Variants in ARHGAP20 observed in about 807,000 individuals in gnomAD.
ARHGAP20 encodes the protein Rho GTPase activating protein 20, also known as rho GTPase-activating protein 20.
A neutral mutation model predicts 73.7 loss-of-function variants in ARHGAP20; 34 were observed. That is an observed-to-expected ratio of 0.46 (90% CI 0.35 to 0.61). The LOEUF (loss-of-function observed/expected upper bound fraction) is 0.61, where lower values mean the gene tolerates loss of function less well. ARHGAP20 is among the 20% of genes least tolerant of loss of function. The pLI is 0.00. For synonymous variants in ARHGAP20, 523 were observed against 518.2 expected, an observed-to-expected ratio of 1.01 and a Z score of -0.13; for missense variants, 1,314 against 1,420.9, an observed-to-expected ratio of 0.92 and a Z score of 1.21.
chr11:110,630,028 T>G (rs1190908821), intron 3 of ARHGAP20, among the ~76,000 whole-genome samples: 2 of 152,212 alleles, frequency 1.3e-5, no homozygotes, highest in African/African-American at 4.8e-5. Flanking sequence ...ACCTAACCCT[T>G]GTCTACTTCT....
intron 2 of ARHGAP20, among the ~76,000 whole-genome samples, chr11:110,669,072 A>G (rs993686994): frequency 6.6e-6 from 1 of 152,214 alleles, no homozygotes; most frequent in Admixed American, 6.5e-5. Flanking sequence ...AAAAAATTAA[A>G]TAGAACACAG....
At chr11:110,683,744 T>C (rs73561902) in intron 2 of ARHGAP20, among the ~76,000 whole-genome samples, 3,611 of 152,212 alleles carry the variant, frequency 0.024, 152 homozygotes, top group African/African-American at 0.083. Context: ...ATTTCACAGA[T>C]GAGGAAACTG....
At chr11:110,701,159 C>G (rs555699628) in intron 1 of ARHGAP20, among the ~76,000 whole-genome samples, 1 of 151,522 alleles carries the variant, frequency 6.6e-6, no homozygotes, top group Non-Finnish European at 1.5e-5. Flanking sequence ...CCTGAGGAAT[C>G]GCCACACTGA....
rs145945557 is a variant in ARHGAP20, at chr11:110,703,201, G to T, written c.105+8926C>A. ...CTTTAAACATTTAGCTAAAATAAAT[G>T]TAATTACAGTACAGACTACTGTAAA... On this transcript the variant is annotated intron_variant, in intron 1 of 14. Coordinates refer to ENST00000683387, the MANE Select transcript of ARHGAP20 (RefSeq NM_001384657.1). 8.8e-3 allele frequency among the ~76,000 whole-genome samples: 1,340 copies of T among 152,212 alleles called. 89 individuals are homozygous for T. Among genetic ancestry groups the T allele is most frequent in the Admixed American group, 0.081 (1,233 of 15,276 alleles).
intron 2 of ARHGAP20, among the ~76,000 whole-genome samples, chr11:110,650,736 A>T (rs1336503697): frequency 4.6e-5 from 7 of 152,108 alleles, no homozygotes; most frequent in Non-Finnish European, 8.8e-5. Flanking sequence ...TGATCAAAGC[A>T]TTCTAAAAAG....
At chr11:110,605,854 T>C (rs1443162171) in intron 9 of ARHGAP20, among the ~76,000 whole-genome samples, 4 of 152,252 alleles carry the variant, frequency 2.6e-5, no homozygotes, top group East Asian at 3.8e-4. Flanking sequence ...TTGGTTCACA[T>C]TGACAAAGGT....
At chr11:110,592,251 A>G (rs1206529555) in intron 9 of ARHGAP20, 96 bp from the exon 10 acceptor site, 1 of 1,146,580 alleles carries the variant, frequency 8.7e-7, no homozygotes, top group Non-Finnish European at 1.2e-6. Context: ...GCTATGGCTC[A>G]AAGAGAAAAA....
chr11:110,577,081 C>G lies in ARHGAP20; in HGVS notation c.*2289G>C. On this transcript the variant is annotated 3_prime_UTR_variant, in exon 15 of 15. Transcript: ENST00000683387. ...GCAGAATGGCATTTTATTTAACAGA[C>G]AGCATGGACTTCATACATATCCATT... 6.6e-7 allele frequency: 1 copy of G among 1,510,072 alleles called. No individual in the cohort carries two copies. Among genetic ancestry groups the G allele is most frequent in the Non-Finnish European group, 8.9e-7 (1 of 1,128,816 alleles). 93.5% of individuals were successfully genotyped at this position (1,510,072 alleles called of 1,614,324 possible).
chr11:110,653,456 C>T (rs1949399857), intron 2 of ARHGAP20, among the ~76,000 whole-genome samples: 1 of 152,038 alleles, frequency 6.6e-6, no homozygotes, highest in Non-Finnish European at 1.5e-5. Context: ...ATGTGGCTAA[C>T]AAACTTATGA....
intron 2 of ARHGAP20, among the ~76,000 whole-genome samples, chr11:110,679,751 A>G (rs1251875591): frequency 6.6e-6 from 1 of 152,214 alleles, no homozygotes; most frequent in Non-Finnish European, 1.5e-5. Context: ...AGGGTCACAT[A>G]GTGCTAGAGC....
At chr11:110,612,414 C>T (rs927265865) in intron 6 of ARHGAP20, among the ~76,000 whole-genome samples, 4 of 150,654 alleles carry the variant, frequency 2.7e-5, no homozygotes, top group South Asian at 4.2e-4. Context: ...GGCGACAGAG[C>T]GAGACTCCAT....
intron 12 of ARHGAP20, among the ~76,000 whole-genome samples, chr11:110,585,056 AATATATGT>A (rs887296200): frequency 2.1e-5 from 3 of 144,600 alleles, no homozygotes; most frequent in African/African-American, 7.5e-5. Context: ...TGAATATATG[AATATATGT>A]GAACATATAT....
At chr11:110,615,390 A>C (rs1431463036) in intron 5 of ARHGAP20, among the ~76,000 whole-genome samples, 163 bp downstream of exon 5, 4 of 152,230 alleles carry the variant, frequency 2.6e-5, no homozygotes, top group Non-Finnish European at 4.4e-5. Context: ...TATTTGTAGC[A>C]AGTAAGTAGC....
At chr11:110,617,410 G>A (rs573348003) in intron 4 of ARHGAP20, among the ~76,000 whole-genome samples, 72 of 151,898 alleles carry the variant, frequency 4.7e-4, no homozygotes, top group Middle Eastern at 3.4e-3. Context: ...TTACAGGCAT[G>A]TGCCACCACG....
chr11:110,671,121 A>C (rs1949818860), intron 2 of ARHGAP20, among the ~76,000 whole-genome samples: 1 of 152,072 alleles, frequency 6.6e-6, no homozygotes, highest in African/African-American at 2.4e-5. Context: ...AGAAATCTGC[A>C]AAAACTCTGT....
intron 4 of ARHGAP20, among the ~76,000 whole-genome samples, chr11:110,622,197 T>G (rs1948644216): frequency 2.0e-5 from 3 of 152,214 alleles, no homozygotes; most frequent in Non-Finnish European, 4.4e-5. Context: ...TACACCATGA[T>G]GTAACTGTAC....
At chr11:110,617,319 A>G (rs1318422388) in intron 4 of ARHGAP20, among the ~76,000 whole-genome samples, 7 of 150,980 alleles carry the variant, frequency 4.6e-5, no homozygotes, top group African/African-American at 1.5e-4. Flanking sequence ...ATGAAGTGCA[A>G]TGGCGCAATC....
intron 2 of ARHGAP20, among the ~76,000 whole-genome samples, chr11:110,680,672 T>C (rs1950020737): frequency 6.6e-6 from 1 of 152,118 alleles, no homozygotes; most frequent in South Asian, 2.1e-4. Context: ...GCTACAAAAA[T>C]AAATTAATTT....
At position 110,580,447 on chromosome 11, in the gene ARHGAP20, T is replaced by C. The variant is rs746533394; in HGVS notation, c.2499A>G (p.Ala833=). The change falls in exon 15 of 15, where the codon GCA becomes GCG. Residue 833 remains alanine, a synonymous_variant. Coordinates refer to ENST00000683387, the MANE Select transcript of ARHGAP20 (RefSeq NM_001384657.1). ...GTGTCCTTGGACCCTTGAGGGCATC[T>C]GCTGTGTGTGGTGGGGAGTATCCAG... ...NTSGYSPPHT[A]DALKGPRTHR... is the part of the protein sequence containing the mutation. The C allele has an allele frequency of 1.6e-5, 26 of 1,614,000 alleles. No homozygotes were observed. The highest frequency in any genetic ancestry group is 1.9e-5 in the Non-Finnish European group (22 of 1,180,024).
Sources: gnomAD v4.1 joint callset for allele counts (sites outside exome capture counted in the v4.1 genomes callset) on GRCh38, gnomAD v4.1.1 for gene constraint, MANE v1.5 for transcripts, NCBI Gene and HGNC (gene_info 2026-07-23, HGNC 2026-07-21) for gene names.